MAN1A2: variants seen among roughly 807,000 people sequenced by gnomAD.
MAN1A2 encodes mannosidase alpha class 1A member 2, also known as mannosyl-oligosaccharide 1,2-alpha-mannosidase IB.
MAN1A2 carries 26 observed loss-of-function variants against 75.7 expected under a neutral mutation model. The observed-to-expected ratio is 0.34, with a 90% CI of 0.25 to 0.48. MAN1A2 has a LOEUF of 0.48. Ranked by LOEUF, MAN1A2 falls within the 20% of genes least tolerant of loss-of-function variation. MAN1A2 has a pLI of 0.99. For missense variants in MAN1A2, 562 were observed against 775.5 expected, an observed-to-expected ratio of 0.72 and a Z score of 3.27; for synonymous variants, 247 against 264.6, an observed-to-expected ratio of 0.93 and a Z score of 0.65.
intron 6 of MAN1A2, among the ~76,000 whole-genome samples, chr1:117,443,155 A>G (rs1378815415): frequency 6.6e-6 from 1 of 152,158 alleles, no homozygotes; most frequent in African/African-American, 2.4e-5. Flanking sequence ...AAAAGTTAGG[A>G]ACATTTATTT....
At chr1:117,490,368 C>T (rs1395608010) in intron 8 of MAN1A2, among the ~76,000 whole-genome samples, 2 of 151,766 alleles carry the variant, frequency 1.3e-5, no homozygotes, top group Non-Finnish European at 2.9e-5. Flanking sequence ...TATAGTGATC[C>T]GTAATCAGTG....
In MAN1A2 at chr1:117,482,622, TG is replaced by T. The variant is rs201916916; in HGVS notation, c.1169-10524del. ...TTCTTGTAAATTTGTTTCAGTTATT[TG>T]TAGATTCTGGATATTAGCCGCTTGT... On this transcript the variant is annotated intron_variant, in intron 8 of 12. Transcript: ENST00000356554. 7.9e-3 allele frequency among the ~76,000 whole-genome samples: 1,198 copies of T among 152,270 alleles called. 12 individuals are homozygous for T. The highest frequency in any genetic ancestry group is 0.027 in the African/African-American group (1,126 of 41,566).
In MAN1A2 at chr1:117,525,431, C is replaced by G. The variant is rs1651986772; in HGVS notation, c.*2474C>G. 1 of 185,296 alleles carries G rather than the reference C, an allele frequency of 5.4e-6. No individual in the cohort carries two copies. Among genetic ancestry groups the G allele is most frequent in the African/African-American group, 2.3e-5 (1 of 42,744 alleles). The allele number at this position is 185,296 out of a possible 1,614,324, so 11.5% of individuals were successfully genotyped here. On this transcript the variant is annotated 3_prime_UTR_variant, in exon 13 of 13. Transcript: ENST00000356554. ...AGATCAATTCTTATCCCATATAATG[C>G]TTAGCTTCCAAGAATATTCTTTACT...
At chr1:117,447,133 C>T (rs1649259601) in intron 6 of MAN1A2, among the ~76,000 whole-genome samples, 1 of 152,004 alleles carries the variant, frequency 6.6e-6, no homozygotes, top group Non-Finnish European at 1.5e-5. Context: ...TTTTCAGCTT[C>T]ACTGTATTGT....
chr1:117,410,187 G>A (rs1459792462), intron 3 of MAN1A2, among the ~76,000 whole-genome samples: 4 of 151,768 alleles, frequency 2.6e-5, no homozygotes, highest in African/African-American at 9.7e-5. Context: ...TTGAACCTGT[G>A]GATATGTAAC....
intron 12 of MAN1A2, among the ~76,000 whole-genome samples, chr1:117,511,341 T>C (rs541485741): frequency 1.6e-4 from 25 of 152,142 alleles, no homozygotes; most frequent in Non-Finnish European, 3.4e-4. Flanking sequence ...CATAGGTGTG[T>C]GGTGTTCTTG....
At chr1:117,515,807 G>A (rs1213208022) in intron 12 of MAN1A2, 1 of 152,110 alleles carries the variant, frequency 6.6e-6, no homozygotes, top group East Asian at 1.9e-4. Flanking sequence ...TTGGTTACCA[G>A]GGACCTGGGG....
intron 5 of MAN1A2, among the ~76,000 whole-genome samples, chr1:117,423,226 TTTG>T (rs1214675292): frequency 6.6e-6 from 1 of 152,160 alleles, no homozygotes; most frequent in Admixed American, 6.5e-5. Flanking sequence ...GACATTCTGT[TTTG>T]TTCTCTTGAT....
At chr1:117,482,127 A>G (rs1173468311) in intron 8 of MAN1A2, among the ~76,000 whole-genome samples, 1 of 151,884 alleles carries the variant, frequency 6.6e-6, no homozygotes, top group Non-Finnish European at 1.5e-5. Flanking sequence ...TTTGATACAT[A>G]GGTATACATG....
At chr1:117,390,924 C>T (rs1227923169) in intron 1 of MAN1A2, among the ~76,000 whole-genome samples, 2 of 152,088 alleles carry the variant, frequency 1.3e-5, no homozygotes, top group African/African-American at 4.8e-5. Flanking sequence ...AGGTATTATT[C>T]ACATACCATA....
chr1:117,391,713 A>G (rs996860814), intron 1 of MAN1A2, among the ~76,000 whole-genome samples: 6 of 152,198 alleles, frequency 3.9e-5, no homozygotes. Context: ...AGACTTTGAC[A>G]TCTGAACCTA....
At chr1:117,439,859 T>C (rs1648973589) in intron 5 of MAN1A2, among the ~76,000 whole-genome samples, 1 of 152,200 alleles carries the variant, frequency 6.6e-6, no homozygotes, top group Non-Finnish European at 1.5e-5. Context: ...AAGCCACTCA[T>C]AAATTGCTGG....
intron 1 of MAN1A2, among the ~76,000 whole-genome samples, chr1:117,370,902 G>A (rs1652939502): frequency 6.6e-6 from 1 of 152,058 alleles, no homozygotes; most frequent in African/African-American, 2.4e-5. Flanking sequence ...TAATAGATTA[G>A]TATAATAATT....
chr1:117,386,270 A>G (rs1329071885), intron 1 of MAN1A2, among the ~76,000 whole-genome samples: 2 of 152,214 alleles, frequency 1.3e-5, no homozygotes, highest in African/African-American at 4.8e-5. Context: ...GTAGATATAA[A>G]TAGACTTTCT....
chr1:117,388,868 T>A (rs368778698), intron 1 of MAN1A2, among the ~76,000 whole-genome samples: 1 of 152,334 alleles, frequency 6.6e-6, no homozygotes, highest in East Asian at 1.9e-4. Flanking sequence ...TTAAAAATAA[T>A]ATTTACAATA....
At chr1:117,466,855 C>G (rs557371223) in intron 8 of MAN1A2, among the ~76,000 whole-genome samples, 6 of 152,170 alleles carry the variant, frequency 3.9e-5, no homozygotes, top group Non-Finnish European at 7.4e-5. Flanking sequence ...AAGAGGGCAT[C>G]CTGGCCTTCA....
chr1:117,383,752 T>A (rs373889656), intron 1 of MAN1A2, among the ~76,000 whole-genome samples: 4,133 of 149,914 alleles, frequency 0.028, 53 homozygotes, highest in Non-Finnish European at 0.034. Flanking sequence ...TTTAAAAATT[T>A]TTTTTTTTTT....
intron 1 of MAN1A2, among the ~76,000 whole-genome samples, chr1:117,398,526 T>C (rs1647292721): frequency 6.6e-6 from 1 of 151,940 alleles, no homozygotes; most frequent in Non-Finnish European, 1.5e-5. Context: ...TACAAAAAAT[T>C]AGCCAGGCGT....
Position 117,402,252 on chromosome 1 carries a change from A to G in MAN1A2, c.369A>G (p.Lys123=). ...ADHEKALEEA[K]EKLRKSREEI... ...ATGAGAAGGCCTTGGAAGAAGCAAA[A>G]GAAAAATTAAGAAAGTCAAGAGAGG... The change falls in exon 2 of 13, where the codon AAA becomes AAG. Residue 123 remains lysine, a synonymous_variant. Transcript: ENST00000356554. 6.2e-7 allele frequency: 1 copy of G among 1,613,836 alleles called. No individual in the cohort carries two copies. Among genetic ancestry groups the G allele is most frequent in the Non-Finnish European group, 8.5e-7 (1 of 1,179,812 alleles).
Sources: gnomAD v4.1 joint callset for allele counts (sites outside exome capture counted in the v4.1 genomes callset) on GRCh38, gnomAD v4.1.1 for gene constraint, MANE v1.5 for transcripts, NCBI Gene and HGNC (gene_info 2026-07-23, HGNC 2026-07-21) for gene names.